Variants in UBE2G2 observed in about 807,000 individuals in gnomAD.
UBE2G2 encodes the protein ubiquitin-conjugating enzyme E2 G2.
In UBE2G2, 10 loss-of-function variants were observed where a neutral mutation model predicts 23.0. That is an observed-to-expected ratio of 0.43 (90% CI 0.27 to 0.74). UBE2G2 has a LOEUF of 0.74. Ranked by LOEUF, UBE2G2 falls within the 30% of genes least tolerant of loss-of-function variation. The pLI is 0.19. For synonymous variants in UBE2G2, 86 were observed against 81.3 expected, an observed-to-expected ratio of 1.06 and a Z score of -0.31; for missense variants, 150 against 218.3, an observed-to-expected ratio of 0.69 and a Z score of 1.97.
Position 44,771,518 on chromosome 21 carries a change from A to G in UBE2G2, c.386-29T>C. Reference sequence around the variant, plus strand: ...AAAGAAAAGGGAACACCCTCCATGTAAAAGGGAGTCTTATACGTAAGCAGC... The same window carrying G: ...AAAGAAAAGGGAACACCCTCCATGTGAAAGGGAGTCTTATACGTAAGCAGC... On this transcript the variant is annotated intron_variant, in intron 5 of 5. Transcript: ENST00000345496. The surrounding 1 kb of genome is among the most constrained non-coding windows in gnomAD (Gnocchi z 4.6). 2 of 1,603,216 alleles carry G rather than the reference A, an allele frequency of 1.2e-6. No homozygotes were observed. The highest frequency in any genetic ancestry group is 1.7e-4 in the Middle Eastern group (1 of 6,046).
intron 1 of UBE2G2, chr21:44,801,376 G>A: frequency 8.7e-7 from 1 of 1,150,462 alleles, no homozygotes. Context: ...TCTTCCTCAA[G>A]CTCTCACTGC....
intron 1 of UBE2G2, among the ~76,000 whole-genome samples, chr21:44,797,889 G>C: frequency 6.6e-6 from 1 of 152,266 alleles, no homozygotes; most frequent in African/African-American, 2.4e-5. Context: ...TGAGGACACA[G>C]AAGTAATAGT....
At chr21:44,773,863 C>G (rs2082893383) in intron 4 of UBE2G2, 176 bp from the exon 5 acceptor site, 7 of 834,060 alleles carry the variant, frequency 8.4e-6, no homozygotes, top group Non-Finnish European at 1.2e-5. Flanking sequence ...TGCAGGAATC[C>G]CGGTGGGGCC....
intron 1 of UBE2G2, among the ~76,000 whole-genome samples, chr21:44,795,229 C>CTCCA (rs1443826680): frequency 6.6e-6 from 1 of 151,994 alleles, no homozygotes; most frequent in Non-Finnish European, 1.5e-5. Flanking sequence ...TGCCACTGCA[C>CTCCA]TCCAGCCTGG....
In UBE2G2 at chr21:44,794,683, C is replaced by T. The variant is rs374547215; in HGVS notation, c.44-6588G>A. Reference sequence around the variant, plus strand: ...CTGAGTAGCTGGGACTACAGGGGTCCGCCACCATGCCCAGCTAATTTTTTG... The same window carrying T: ...CTGAGTAGCTGGGACTACAGGGGTCTGCCACCATGCCCAGCTAATTTTTTG... On this transcript the variant is annotated intron_variant, in intron 1 of 5. Coordinates refer to ENST00000345496, the MANE Select transcript of UBE2G2 (RefSeq NM_003343.6). Among the ~76,000 whole-genome samples the T allele has an allele frequency of 5.3e-5, 8 of 151,988 alleles. No homozygotes were observed. The South Asian group carries it at 8.3e-4, about 16-fold the overall frequency.
intron 4 of UBE2G2, 63 bp downstream of exon 4, chr21:44,777,236 G>A: frequency 7.5e-7 from 1 of 1,339,924 alleles, no homozygotes; most frequent in Non-Finnish European, 1.1e-6. Flanking sequence ...CATTTCAGGT[G>A]GCTGATAATA....
In UBE2G2 at chr21:44,770,065, C is replaced by CG. The variant is rs2082861257; in HGVS notation, c.*1311_*1312insC. 6.6e-6 allele frequency: 1 copy of CG among 152,264 alleles called. No homozygotes were observed. Among genetic ancestry groups the CG allele is most frequent in the African/African-American group, 2.4e-5 (1 of 41,444 alleles). The allele number at this position is 152,264 out of a possible 1,614,324, so 9.4% of individuals were successfully genotyped here. A position where few individuals can be genotyped will look rare whatever the true frequency, so the allele number is the denominator to read the frequency against. ...ACAAAACAAGGGCTCTGTCCCCAGC[C>CG]TGGGCCCAGGGGCCCACATGCCCAC... On this transcript the variant is annotated 3_prime_UTR_variant, in exon 6 of 6. Transcript: ENST00000345496.
At chr21:44,788,220 T>C in intron 1 of UBE2G2, 125 bp from the exon 2 acceptor site, 3 of 910,682 alleles carry the variant, frequency 3.3e-6, no homozygotes, top group South Asian at 2.0e-5. Context: ...CAAGTGAAAA[T>C]TCTGTTTGCC....
chr21:44,788,901 C>T (rs1601191614), intron 1 of UBE2G2, among the ~76,000 whole-genome samples: 1 of 151,584 alleles, frequency 6.6e-6, no homozygotes, highest in Admixed American at 6.6e-5. Context: ...GGTATAAGGA[C>T]TGAAAAAGAA....
Position 44,771,596 on chromosome 21 carries a change from T to C in UBE2G2, c.386-107A>G. On this transcript the variant is annotated intron_variant, in intron 5 of 5. Transcript: ENST00000345496. The surrounding 1 kb of genome is among the most constrained non-coding windows in gnomAD (Gnocchi z 4.6). ...CACTGGCGGGGGCTTTCAAGAGCTG[T>C]GTCCCAGAAACAAAGAACCTGAGAA... The C allele has an allele frequency of 3.3e-6, 4 of 1,204,546 alleles. No individual in the cohort carries two copies. The highest frequency in any genetic ancestry group is 4.8e-6 in the Non-Finnish European group (4 of 837,038). The allele number at this position is 1,204,546 out of a possible 1,614,324, so 74.6% of individuals were successfully genotyped here.
chr21:44,775,623 A>G (rs544525094), intron 4 of UBE2G2, among the ~76,000 whole-genome samples: 46 of 152,352 alleles, frequency 3.0e-4, no homozygotes, highest in African/African-American at 8.7e-4. Context: ...CCTGTAGTAC[A>G]TAGTCACATA....
intron 1 of UBE2G2, 185 bp downstream of exon 1, chr21:44,801,521 A>G: frequency 9.0e-7 from 1 of 1,109,096 alleles, no homozygotes; most frequent in Non-Finnish European, 1.2e-6. Context: ...TCTCTTCACG[A>G]CTTCACGCGT....
rs782514245 is a variant in UBE2G2, at chr21:44,771,433, G to A, written c.442C>T (p.Arg148Trp). 11 of 1,613,078 alleles carry A rather than the reference G, an allele frequency of 6.8e-6. No homozygotes were observed. The highest frequency in any genetic ancestry group is 1.1e-5 in the South Asian group (1 of 91,078). The change falls in exon 6 of 6, where the codon CGG (arginine) becomes TGG (tryptophan). Residue 148 changes from arginine to tryptophan, a missense_variant. Physicochemically the swap from Arg to Trp is moderately radical, Grantham distance 101. Transcript: ENST00000345496. The surrounding 1 kb of genome is among the most constrained non-coding windows in gnomAD (Gnocchi z 4.6). ...VDASKMWRDDREQFYKIAKQI... is the reference protein window; with the variant it reads ...VDASKMWRDDWEQFYKIAKQI... The stretch of plus-strand genomic sequence containing the variant: ...TTGGCAATCTTATAGAACTGCTCCC[G>A]GTCATCGCGCCACATTTTGGACGCA...
chr21:44,793,360 C>G (rs941925562), intron 1 of UBE2G2, among the ~76,000 whole-genome samples: 1 of 152,164 alleles, frequency 6.6e-6, no homozygotes, highest in African/African-American at 2.4e-5. Context: ...CACTCCCCTG[C>G]GTGACACCCT....
intron 1 of UBE2G2, among the ~76,000 whole-genome samples, chr21:44,792,332 T>C (rs1049762364): frequency 1.2e-4 from 18 of 152,162 alleles, no homozygotes; most frequent in African/African-American, 4.3e-4. Flanking sequence ...TTTGGCTTTG[T>C]GTCCCTACCC....
intron 1 of UBE2G2, among the ~76,000 whole-genome samples, chr21:44,799,372 A>G (rs9984290): frequency 0.084 from 12,813 of 152,240 alleles, 1,807 homozygotes; most frequent in African/African-American, 0.29. Flanking sequence ...CCAATACCGT[A>G]TAAGGCTATT....
In UBE2G2 at chr21:44,772,788, CTCTTT is replaced by C. The variant is rs1393085672; in HGVS notation, c.385+754_385+758del. On this transcript the variant is annotated intron_variant, in intron 5 of 5. Coordinates refer to ENST00000345496, the MANE Select transcript of UBE2G2 (RefSeq NM_003343.6). This position sits in a 1 kb window ranked among gnomAD's most constrained non-coding sequence, Gnocchi z 5.4. ...TTAGCCCTGGGACCACTCAGCCCTT[CTCTTT>C]TCTCTCCAGGCTACTGCAACACCAC... Among the ~76,000 whole-genome samples the C allele has an allele frequency of 6.6e-6, 1 of 152,194 alleles. No homozygotes were observed. The highest frequency in any genetic ancestry group is 1.5e-5 in the Non-Finnish European group (1 of 68,032).
At chr21:44,787,309 G>A (rs1286472757) in intron 3 of UBE2G2, among the ~76,000 whole-genome samples, 4 of 152,050 alleles carry the variant, frequency 2.6e-5, no homozygotes, top group South Asian at 2.1e-4. Context: ...TCCAAGCAAC[G>A]TCACCCTAAG....
rs2838677 is a variant in UBE2G2 at position 44,769,852 on chromosome 21, G to A, written c.*1525C>T. On this transcript the variant is annotated 3_prime_UTR_variant, in exon 6 of 6. Coordinates refer to ENST00000345496, the MANE Select transcript of UBE2G2 (RefSeq NM_003343.6). ...AGAAAAGGATCACATCAAATCTACTGTATGCCTCATAGACCATCCCTTATT... is the reference window on the plus strand; with the variant it reads ...AGAAAAGGATCACATCAAATCTACTATATGCCTCATAGACCATCCCTTATT... 0.23 allele frequency: 35,663 copies of A among 152,162 alleles called. 5,117 individuals are homozygous for A. Among genetic ancestry groups the A allele is most frequent in the East Asian group, 0.58 (2,988 of 5,190 alleles). 9.4% of individuals were successfully genotyped at this position (152,162 alleles called of 1,614,324 possible).
Sources: gnomAD v4.1 joint callset for allele counts (sites outside exome capture counted in the v4.1 genomes callset) on GRCh38, gnomAD v4.1.1 for gene constraint, Gnocchi (gnomAD v3.1) non-coding constraint, MANE v1.5 for transcripts, NCBI Gene and HGNC (gene_info 2026-07-23, HGNC 2026-07-21) for gene names.